UBE3D: variants seen among roughly 807,000 people sequenced by gnomAD.
The protein encoded by UBE3D is ubiquitin protein ligase E3D, also known as E3 ubiquitin-protein ligase E3D.
In UBE3D, 48 loss-of-function variants were observed where a neutral mutation model predicts 49.6. The observed-to-expected ratio is 0.97, with a 90% CI of 0.77 to 1.23. The LOEUF (loss-of-function observed/expected upper bound fraction) is 1.23. UBE3D is among the 50% of genes most tolerant of loss of function. UBE3D has a pLI of 0.00. For missense variants in UBE3D, 452 were observed against 468.4 expected, an observed-to-expected ratio of 0.96 and a Z score of 0.32; for synonymous variants, 189 against 174.2, an observed-to-expected ratio of 1.08 and a Z score of -0.67.
rs113736987 is a variant in UBE3D, at chr6:83,039,754, C to T, written c.598-1269G>A. Among the ~76,000 whole-genome samples the T allele has an allele frequency of 9.6e-3, 1,464 of 152,190 alleles. 22 individuals are homozygous for T. The highest frequency in any genetic ancestry group is 0.033 in the African/African-American group (1,387 of 41,520). On this transcript the variant is annotated intron_variant, in intron 4 of 9. Transcript: ENST00000369747. ...CCGCCTCCCGGGTTTAAGCAATTCTCTGCCTCAGCCTCCCTAGTAGCTGGG... is the reference window on the plus strand; with the variant it reads ...CCGCCTCCCGGGTTTAAGCAATTCTTTGCCTCAGCCTCCCTAGTAGCTGGG...
chr6:83,019,144 T>C lies in UBE3D; in HGVS notation c.847-8A>G. 1.9e-6 allele frequency: 3 copies of C among 1,608,006 alleles called. No homozygotes were observed. Among genetic ancestry groups the C allele is most frequent in the Non-Finnish European group, 1.7e-6 (2 of 1,177,572 alleles). ...TGAATTTAAAAGCCATAGCTAAAGA[T>C]GTGAAGAGAAAGTCCAAGTATAAGA... On this transcript the variant is annotated splice_region_variant and splice_polypyrimidine_tract_variant and intron_variant, in intron 7 of 9. Transcript: ENST00000369747.
At position 83,057,839 on chromosome 6, in the gene UBE3D, TG is replaced by T; in HGVS notation, c.260del (p.Ala87GlufsTer3). On this transcript the variant is annotated frameshift_variant, in exon 2 of 10. Transcript: ENST00000369747. LOFTEE classifies it high-confidence loss of function. Reference protein sequence around the residue: ...DGLHLRLQTQAKLGTKLISMF... With the variant: ...DGLHLRLQTQXKLGTKLISMF... ...AATATTACTCACTTGTGCCTAATTT[TG>T]CTTGCGTCTGCAGTCGCAGGTGCAG... The T allele has an allele frequency of 6.2e-7, 1 of 1,614,148 alleles. No individual in the cohort carries two copies. The highest frequency in any genetic ancestry group is 8.5e-7 in the Non-Finnish European group (1 of 1,180,018).
At chr6:83,007,552 A>C (rs1473477675) in intron 8 of UBE3D, among the ~76,000 whole-genome samples, 1 of 152,238 alleles carries the variant, frequency 6.6e-6, no homozygotes, top group African/African-American at 2.4e-5. Flanking sequence ...TACTCTTCAT[A>C]TTTCCAAAAC....
At chr6:82,915,464 T>C (rs939394482) in intron 9 of UBE3D, among the ~76,000 whole-genome samples, 1 of 152,172 alleles carries the variant, frequency 6.6e-6, no homozygotes, top group Non-Finnish European at 1.5e-5. Context: ...ATAAGTACCA[T>C]ACTGGGAAAT....
chr6:83,032,157 G>T (rs991462443), intron 5 of UBE3D: 2 of 455,362 alleles, frequency 4.4e-6, no homozygotes, highest in African/African-American at 4.0e-5. Context: ...CAGAATGATA[G>T]ATCCATAGAC....
chr6:82,962,798 C>T (rs2127781677), intron 8 of UBE3D, among the ~76,000 whole-genome samples: 1 of 152,226 alleles, frequency 6.6e-6, no homozygotes, highest in East Asian at 1.9e-4. Context: ...GTATATTAGG[C>T]ATTATTTAAT....
At chr6:82,975,043 T>A (rs1328724961) in intron 8 of UBE3D, among the ~76,000 whole-genome samples, 1 of 152,138 alleles carries the variant, frequency 6.6e-6, no homozygotes, top group East Asian at 1.9e-4. Flanking sequence ...TTTGTTTAAA[T>A]TTTGATAATG....
intron 8 of UBE3D, among the ~76,000 whole-genome samples, chr6:83,001,692 G>A (rs1324337091): frequency 6.6e-6 from 1 of 152,220 alleles, no homozygotes; most frequent in Non-Finnish European, 1.5e-5. Context: ...TTGGCCTGGA[G>A]AGAGTAGCAG....
chr6:83,021,676 C>T (rs922874249), intron 7 of UBE3D, among the ~76,000 whole-genome samples: 1 of 151,536 alleles, frequency 6.6e-6, no homozygotes, highest in African/African-American at 2.4e-5. Flanking sequence ...ACCATCCTGG[C>T]TAACATGGTG....
At chr6:82,938,279 G>A (rs1232419152) in intron 9 of UBE3D, 1 of 152,154 alleles carries the variant, frequency 6.6e-6, no homozygotes, top group East Asian at 1.9e-4. Context: ...GCCTAGAAGA[G>A]GGTCAGCAGT....
rs76887224 is a variant in UBE3D, at chr6:83,003,961, T to C, written c.1010+15012A>G. 8.4e-3 allele frequency among the ~76,000 whole-genome samples: 1,283 copies of C among 152,334 alleles called. 19 individuals carry two copies. The highest frequency in any genetic ancestry group is 0.028 in the African/African-American group (1,179 of 41,588). On this transcript the variant is annotated intron_variant, in intron 8 of 9. Transcript: ENST00000369747. ...AACAGACAAATATGTGAAAAGTGAT[T>C]TCAAATGATGCATTTATATTTTTCC...
intron 3 of UBE3D, among the ~76,000 whole-genome samples, chr6:83,047,555 T>C (rs1783148141): frequency 6.6e-6 from 1 of 151,916 alleles, no homozygotes; most frequent in Non-Finnish European, 1.5e-5. Flanking sequence ...AGCTGTCATT[T>C]GTGCAAACAT....
chr6:83,042,204 G>T (rs138832523), intron 4 of UBE3D, among the ~76,000 whole-genome samples: 1 of 152,064 alleles, frequency 6.6e-6, no homozygotes, highest in Non-Finnish European at 1.5e-5. Flanking sequence ...CACTGCGCCC[G>T]GCCCAAGATG....
At chr6:82,922,262 C>T (rs942487564) in intron 9 of UBE3D, among the ~76,000 whole-genome samples, 7 of 152,224 alleles carry the variant, frequency 4.6e-5, no homozygotes, top group Admixed American at 3.3e-4. Context: ...GAATCAGCAG[C>T]TAAAAATTCT....
intron 8 of UBE3D, among the ~76,000 whole-genome samples, chr6:83,007,118 A>G (rs1342228503): frequency 1.3e-5 from 2 of 152,186 alleles, no homozygotes; most frequent in African/African-American, 4.8e-5. Flanking sequence ...CTAAAACAAC[A>G]CATCTATTTT....
chr6:83,010,553 T>C (rs1040580342), intron 8 of UBE3D, among the ~76,000 whole-genome samples: 3 of 152,062 alleles, frequency 2.0e-5, no homozygotes, highest in African/African-American at 7.2e-5. Context: ...TAGTAAGGGT[T>C]CTCTAGAGGG....
At position 82,966,548 on chromosome 6, in the gene UBE3D, G is replaced by A. The variant is rs1582491710; in HGVS notation, c.1011-9098C>T. On this transcript the variant is annotated intron_variant, in intron 8 of 9. Transcript: ENST00000369747. Reference sequence around the variant, plus strand: ...GCCTGTAGTCCCAGCTACTCGGGAGGCTGAGGCAGGAGAATGGCGTGAACC... The same window carrying A: ...GCCTGTAGTCCCAGCTACTCGGGAGACTGAGGCAGGAGAATGGCGTGAACC... Among the ~76,000 whole-genome samples the A allele has an allele frequency of 2.6e-5, 3 of 116,588 alleles. 1 individual carries two copies. The highest frequency in any genetic ancestry group is 5.5e-4 in the South Asian group (2 of 3,620). 76.5% of individuals were successfully genotyped at this position (116,588 alleles called of 152,430 possible). A position where few individuals can be genotyped will look rare whatever the true frequency, so the allele number is the denominator to read the frequency against.
intron 3 of UBE3D, among the ~76,000 whole-genome samples, chr6:83,045,455 T>C (rs1351884250): frequency 6.6e-6 from 1 of 152,228 alleles, no homozygotes; most frequent in African/African-American, 2.4e-5. Flanking sequence ...TAGTGACTAT[T>C]TTCCAGGGTG....
At chr6:83,003,696 G>C (rs1013936949) in intron 8 of UBE3D, among the ~76,000 whole-genome samples, 1 of 152,118 alleles carries the variant, frequency 6.6e-6, no homozygotes. Context: ...GTAACACAAT[G>C]GTAATTATCT....
Sources: allele counts gnomAD v4.1 joint callset (sites outside exome capture counted in the v4.1 genomes callset), GRCh38; gene constraint gnomAD v4.1.1; transcripts MANE v1.5; gene names NCBI Gene and HGNC (gene_info 2026-07-23, HGNC 2026-07-21).